Variants in DAB1 observed in about 807,000 individuals in gnomAD.
The protein encoded by DAB1 is disabled homolog 1.
A neutral mutation model predicts 64.6 loss-of-function variants in DAB1; 15 were observed. That is an observed-to-expected ratio of 0.23 (90% CI 0.16 to 0.36). DAB1 has a LOEUF of 0.36. DAB1 is among the 10% of genes least tolerant of loss of function. The pLI, the probability that DAB1 is intolerant of heterozygous loss-of-function variation, is 1.00. For synonymous variants in DAB1, 235 were observed against 251.9 expected (o/e 0.93, Z 0.64); for missense variants, 596 against 706.7 (o/e 0.84, Z 1.78).
intron 3 of DAB1, among the ~76,000 whole-genome samples, chr1:58,419,167 C>G (rs540451614): frequency 1.3e-5 from 2 of 152,268 alleles, no homozygotes; most frequent in East Asian, 3.9e-4. Context: ...TCAGAGGCCC[C>G]TGGGTCTTAG....
intron 1 of DAB1, among the ~76,000 whole-genome samples, chr1:57,409,417 G>T (rs934823913): frequency 1.3e-5 from 2 of 152,146 alleles, no homozygotes; most frequent in African/African-American, 4.8e-5. Flanking sequence ...ATGGTAGTGT[G>T]GCTGTTATGT....
chr1:57,178,267 A>T (rs2100955578), intron 2 of DAB1, among the ~76,000 whole-genome samples: 1 of 151,620 alleles, frequency 6.6e-6, no homozygotes, highest in African/African-American at 2.4e-5. Flanking sequence ...TCCATCCTCC[A>T]TAATTGCAAG....
rs1676053466 is a variant in DAB1, at chr1:57,325,183, G to A, written c.-136-34017C>T. Among the ~76,000 whole-genome samples the A allele has an allele frequency of 5.9e-5, 9 of 152,216 alleles. 1 individual carries two copies. The highest frequency in any genetic ancestry group is 5.9e-4 in the Admixed American group (9 of 15,288). ...CTTTCAGGCCAGCCTGGAGCAGAAGGCAGACAGACCAGAGGGAGAAAGAGC... is the reference window on the plus strand; with the variant it reads ...CTTTCAGGCCAGCCTGGAGCAGAAGACAGACAGACCAGAGGGAGAAAGAGC... On this transcript the variant is annotated intron_variant, in intron 1 of 14. Transcript: ENST00000371236.
rs115895047 is a variant in DAB1, at chr1:58,109,863, A to T, written n.387+40648T>A. ...AGGTTTTGGAGATAAATATTTTTTG[A>T]TCTGCCCACCACTGCCCCCACTCCA... On this transcript the variant is annotated intron_variant and non_coding_transcript_variant, in intron 5 of 20. Transcript: ENST00000485760. 4.2e-3 allele frequency among the ~76,000 whole-genome samples: 644 copies of T among 151,728 alleles called. 4 individuals are homozygous for T. Among genetic ancestry groups the T allele is most frequent in the African/African-American group, 0.015 (618 of 41,376 alleles).
intron 6 of DAB1, among the ~76,000 whole-genome samples, chr1:57,782,777 C>T (rs1569668827): frequency 6.6e-6 from 1 of 152,208 alleles, no homozygotes; most frequent in East Asian, 1.9e-4. Context: ...ATATCAACAG[C>T]CACTGCTTTC....
intron 4 of DAB1, among the ~76,000 whole-genome samples, chr1:57,123,165 C>G (rs186447846): frequency 1.7e-3 from 265 of 152,204 alleles, no homozygotes; most frequent in Admixed American, 3.2e-3. Flanking sequence ...CAATATGACC[C>G]TGAACATAGG....
chr1:57,218,526 A>T (rs1666605074), intron 2 of DAB1, among the ~76,000 whole-genome samples: 1 of 136,756 alleles, frequency 7.3e-6, no homozygotes. Context: ...AAAAAAAAAA[A>T]AAAAAAAAAA....
intron 6 of DAB1, among the ~76,000 whole-genome samples, chr1:57,698,847 T>C (rs1240996171): frequency 6.6e-6 from 1 of 152,240 alleles, no homozygotes; most frequent in Non-Finnish European, 1.5e-5. Context: ...GCTGTCAATA[T>C]TAATTTATGA....
intron 5 of DAB1, among the ~76,000 whole-genome samples, chr1:58,038,043 C>A (rs962508840): frequency 6.6e-6 from 1 of 152,076 alleles, no homozygotes; most frequent in East Asian, 1.9e-4. Context: ...TTAGCCTACC[C>A]TAACTAATAC....
At chr1:57,401,446 T>C (rs901700496) in intron 1 of DAB1, among the ~76,000 whole-genome samples, 1 of 152,174 alleles carries the variant, frequency 6.6e-6, no homozygotes, top group African/African-American at 2.4e-5. Context: ...GCAACACACA[T>C]ACAAACACCC....
At chr1:57,289,310 G>T (rs1014439797) in intron 2 of DAB1, among the ~76,000 whole-genome samples, 1 of 152,192 alleles carries the variant, frequency 6.6e-6, no homozygotes, top group East Asian at 1.9e-4. Flanking sequence ...AGGTTTAGTG[G>T]AAAGGTTAAA....
chr1:57,009,418 G>T (rs1191694360), intron 14 of DAB1, among the ~76,000 whole-genome samples: 1 of 152,162 alleles, frequency 6.6e-6, no homozygotes, highest in Non-Finnish European at 1.5e-5. Flanking sequence ...ACAAAATGTG[G>T]CAACCTACAC....
chr1:57,783,218 T>A (rs1235114872), intron 6 of DAB1, among the ~76,000 whole-genome samples: 1 of 148,158 alleles, frequency 6.7e-6, no homozygotes, highest in African/African-American at 2.5e-5. Flanking sequence ...CAAGCAATCC[T>A]CTTGCCTCAG....
intron 2 of DAB1, among the ~76,000 whole-genome samples, chr1:57,157,284 G>A (rs1660318072): frequency 1.3e-5 from 2 of 152,064 alleles, no homozygotes; most frequent in South Asian, 4.2e-4. Flanking sequence ...CTGTCTTGGA[G>A]GGGTCAACTC....
At chr1:58,494,471 G>C (rs1201116020) in intron 3 of DAB1, among the ~76,000 whole-genome samples, 3 of 152,298 alleles carry the variant, frequency 2.0e-5, no homozygotes, top group Non-Finnish European at 2.9e-5. Flanking sequence ...TACCATCAGA[G>C]TGAACAGGCA....
At chr1:57,582,395 C>A (rs2805872) in intron 7 of DAB1, among the ~76,000 whole-genome samples, 30,075 of 152,028 alleles carry the variant, frequency 0.2, 3,110 homozygotes, top group South Asian at 0.31. Context: ...GGGAGAAATC[C>A]GCTCCCATGA....
At chr1:58,134,318 A>G (rs1653816146) in intron 5 of DAB1, among the ~76,000 whole-genome samples, 1 of 152,160 alleles carries the variant, frequency 6.6e-6, no homozygotes, top group Admixed American at 6.5e-5. Context: ...GAGAGATGAA[A>G]GGGCCAGGCA....
At chr1:58,364,709 A>G (rs995015930) in intron 3 of DAB1, among the ~76,000 whole-genome samples, 1 of 152,242 alleles carries the variant, frequency 6.6e-6, no homozygotes, top group African/African-American at 2.4e-5. Context: ...GTCTGTATTT[A>G]TATACATGTG....
chr1:57,439,355 G>T (rs1371501466), intron 7 of DAB1, among the ~76,000 whole-genome samples: 1 of 149,820 alleles, frequency 6.7e-6, no homozygotes, highest in East Asian at 2.0e-4. Context: ...TACTATTTAA[G>T]CCAGCATTAG....
Sources: allele counts gnomAD v4.1 joint callset (sites outside exome capture counted in the v4.1 genomes callset), GRCh38; gene constraint gnomAD v4.1.1; transcripts MANE v1.5; gene names NCBI Gene and HGNC (gene_info 2026-07-23, HGNC 2026-07-21).